JAK2: variants seen among roughly 807,000 people sequenced by gnomAD.
The protein encoded by JAK2 is tyrosine-protein kinase JAK2.
In JAK2, 86 loss-of-function variants were observed where a neutral mutation model predicts 139.3. That is an observed-to-expected ratio of 0.62 (90% CI 0.52 to 0.74). The LOEUF is 0.74. Ranked by LOEUF, JAK2 falls within the 30% of genes least tolerant of loss-of-function variation. The probability of loss-of-function intolerance (pLI) is 0.00; values close to 1 mark genes in which losing one functional copy is unlikely to be tolerated. For synonymous variants in JAK2, 490 were observed against 437.7 expected, an observed-to-expected ratio of 1.12 and a Z score of -1.49; for missense variants, 1,421 against 1,360.3, an observed-to-expected ratio of 1.04 and a Z score of -0.70.
chr9:5,113,443 A>C (rs1198425680), intron 22 of JAK2: 20 of 120,658 alleles, frequency 1.7e-4, no homozygotes, highest in East Asian at 4.9e-4. Context: ...AAAAAAAAAA[A>C]AAAAAACCCG....
chr9:5,122,722 A>G (rs1437556516), intron 22 of JAK2, among the ~76,000 whole-genome samples: 3 of 151,822 alleles, frequency 2.0e-5, no homozygotes. Context: ...AAAGTTACAT[A>G]CTCCCAGAAG....
intron 3 of JAK2, among the ~76,000 whole-genome samples, chr9:5,026,176 A>C (rs1296564413): frequency 6.6e-6 from 1 of 152,102 alleles, no homozygotes; most frequent in African/African-American, 2.4e-5. Context: ...ATTTGCTCTT[A>C]TTTTCTAATA....
intron 5 of JAK2, among the ~76,000 whole-genome samples, chr9:5,045,901 A>G (rs931160673): frequency 3.3e-5 from 5 of 152,110 alleles, no homozygotes; most frequent in Admixed American, 6.5e-5. Context: ...TTCAATATAT[A>G]CCCAGAAATG....
chr9:5,089,957 T>G lies in JAK2; in HGVS notation c.2761+94T>G, dbSNP rs566282097. On this transcript the variant is annotated intron_variant, in intron 20 of 24. Coordinates refer to ENST00000381652, the MANE Select transcript of JAK2 (RefSeq NM_004972.4). ...ACAATGTCTTAACGATCTGGACTTATGCCAATGCCCAGAGGGAGAGGCATT... is the reference window on the plus strand; with the variant it reads ...ACAATGTCTTAACGATCTGGACTTAGGCCAATGCCCAGAGGGAGAGGCATT... 2.3e-5 allele frequency: 18 copies of G among 792,902 alleles called. 1 individual carries two copies. The South Asian group carries it at 8.5e-4, about 38-fold the overall frequency. 49.1% of individuals were successfully genotyped at this position (792,902 alleles called of 1,614,324 possible).
intron 5 of JAK2, among the ~76,000 whole-genome samples, chr9:5,046,996 GATTTCAGAATACTCA>G (rs1817054287): frequency 6.6e-6 from 1 of 151,970 alleles, no homozygotes; most frequent in Admixed American, 6.6e-5. Flanking sequence ...AATTTTGGGT[GATTTCAGAATACTCA>G]ATTTTATCCT....
At chr9:4,999,964 T>A (rs1489994416) in intron 2 of JAK2, among the ~76,000 whole-genome samples, 3 of 152,224 alleles carry the variant, frequency 2.0e-5, no homozygotes, top group Non-Finnish European at 4.4e-5. Context: ...GCATTCTTCT[T>A]GTTTACCAGT....
chr9:5,091,087 G>A, intron 22 of JAK2, 176 bp downstream of exon 22: 1 of 488,402 alleles, frequency 2.0e-6, no homozygotes, highest in South Asian at 3.6e-5. Flanking sequence ...TAGTCCACGT[G>A]GGAAAATGGC....
chr9:5,118,742 G>A (rs1018090727), intron 22 of JAK2, among the ~76,000 whole-genome samples: 3 of 152,150 alleles, frequency 2.0e-5, no homozygotes, highest in Admixed American at 1.3e-4. Flanking sequence ...TCATTTCTAT[G>A]ACGCCTTCTG....
chr9:5,069,527 A>G (rs1818800206), intron 11 of JAK2, among the ~76,000 whole-genome samples: 1 of 152,142 alleles, frequency 6.6e-6, no homozygotes, highest in African/African-American at 2.4e-5. Flanking sequence ...TACTTCGAGG[A>G]TTTTAATTTC....
chr9:5,062,601 G>C (rs1043090410), intron 8 of JAK2, among the ~76,000 whole-genome samples: 1 of 150,822 alleles, frequency 6.6e-6, no homozygotes, highest in African/African-American at 2.5e-5. Flanking sequence ...CAATAAGAGG[G>C]ATACTAGTTA....
At chr9:5,022,444 T>G (rs1822490763) in intron 3 of JAK2, among the ~76,000 whole-genome samples, 1 of 152,244 alleles carries the variant, frequency 6.6e-6, no homozygotes, top group Admixed American at 6.5e-5. Context: ...GTTTGCTGAC[T>G]ATTCTTTATA....
intron 22 of JAK2, among the ~76,000 whole-genome samples, chr9:5,118,786 T>C (rs1823397710): frequency 6.6e-6 from 1 of 152,160 alleles, no homozygotes; most frequent in South Asian, 2.1e-4. Context: ...TAATATACCA[T>C]TAAAAATTAT....
intron 2 of JAK2, among the ~76,000 whole-genome samples, chr9:5,012,171 T>A (rs1249056243): frequency 6.6e-6 from 1 of 152,206 alleles, no homozygotes; most frequent in East Asian, 1.9e-4. Context: ...CCAGTAAGAC[T>A]GCAGCTTTTT....
At chr9:5,103,594 C>A (rs1821705368) in intron 22 of JAK2, among the ~76,000 whole-genome samples, 1 of 152,164 alleles carries the variant, frequency 6.6e-6, no homozygotes, top group Non-Finnish European at 1.5e-5. Context: ...ACAGAACCCT[C>A]CACCCCAAAT....
chr9:5,035,833 C>T (rs935796343), intron 4 of JAK2, among the ~76,000 whole-genome samples: 3 of 152,168 alleles, frequency 2.0e-5, no homozygotes, highest in Non-Finnish European at 4.4e-5. Context: ...GACAGGGATG[C>T]CCTCTCTCAC....
In JAK2 at chr9:5,049,443, C is replaced by A. The variant is rs372759957; in HGVS notation, c.469-1243C>A. 6.4e-4 allele frequency among the ~76,000 whole-genome samples: 98 copies of A among 152,276 alleles called. 1 individual carries two copies. The East Asian group carries it at 0.015, about 24-fold the overall frequency. On this transcript the variant is annotated intron_variant, in intron 5 of 24. Transcript: ENST00000381652. ...GTGTGTCATTCCTTCTATTTCTTTACCCTGTTTTGTGTCCATCATACATTT... is the reference window on the plus strand; with the variant it reads ...GTGTGTCATTCCTTCTATTTCTTTAACCTGTTTTGTGTCCATCATACATTT...
chr9:5,014,588 C>G (rs1354677296), intron 2 of JAK2, among the ~76,000 whole-genome samples: 3 of 152,212 alleles, frequency 2.0e-5, no homozygotes, highest in African/African-American at 7.2e-5. Context: ...GGAGAAGGAG[C>G]ATGGAAGAAC....
At chr9:5,110,948 C>T (rs938787281) in intron 22 of JAK2, 3 of 589,948 alleles carry the variant, frequency 5.1e-6, no homozygotes, top group African/African-American at 1.9e-5. Context: ...TCCGTGGACA[C>T]GGACAAGGAG....
chr9:5,106,103 T>C (rs1442684638), intron 22 of JAK2, among the ~76,000 whole-genome samples: 1 of 152,028 alleles, frequency 6.6e-6, no homozygotes, highest in African/African-American at 2.4e-5. Flanking sequence ...CAAAACAAAC[T>C]ACCATTAGAG....
Sources: gnomAD v4.1 joint callset for allele counts (sites outside exome capture counted in the v4.1 genomes callset) on GRCh38, gnomAD v4.1.1 for gene constraint, MANE v1.5 for transcripts, NCBI Gene and HGNC (gene_info 2026-07-23, HGNC 2026-07-21) for gene names.